PDE1C: variants seen among roughly 807,000 people sequenced by gnomAD.
PDE1C encodes phosphodiesterase 1C.
In PDE1C, 62 loss-of-function variants were observed where a neutral mutation model predicts 93.1. The observed-to-expected ratio is 0.67, with a 90% CI of 0.54 to 0.82. The LOEUF (loss-of-function observed/expected upper bound fraction) is 0.82. Ranked by LOEUF, PDE1C falls within the 40% of genes least tolerant of loss-of-function variation. The pLI is 0.00. For missense variants in PDE1C, 742 were observed against 884.6 expected (o/e 0.84, Z 2.04); for synonymous variants, 325 against 310.1 (o/e 1.05, Z -0.50).
At chr7:32,389,433 T>A (rs1370097777) in intron 1 of PDE1C, among the ~76,000 whole-genome samples, 1 of 152,212 alleles carries the variant, frequency 6.6e-6, no homozygotes, top group Non-Finnish European at 1.5e-5. Flanking sequence ...GCCAGGCTGG[T>A]TTCGAACTCC....
the PDE1C span, among the ~76,000 whole-genome samples, chr7:31,672,553 CT>C: frequency 9.9e-5 from 15 of 151,146 alleles, no homozygotes; most frequent in Admixed American, 5.2e-4. Context: ...TCTCTGATTT[CT>C]TTTTTTTCTT....
rs189585219 is a variant in PDE1C, at chr7:31,880,601, T to C, written c.242+146A>G. The C allele has an allele frequency of 3.6e-4, 212 of 596,830 alleles. No homozygotes were observed. The Admixed American group carries it at 4.3e-3, about 12-fold the overall frequency. The allele number at this position is 596,830 out of a possible 1,614,324, so 37.0% of individuals were successfully genotyped here. On this transcript the variant is annotated intron_variant, in intron 3 of 17. Transcript: ENST00000396191. ...AGAGAGTAAGTGACTTGTCCAAATC[T>C]ATCCTCTTTGTTTGTGGAAACTAAA...
At chr7:31,959,827 A>G (rs1808672056) in intron 2 of PDE1C, among the ~76,000 whole-genome samples, 1 of 152,098 alleles carries the variant, frequency 6.6e-6, no homozygotes, top group Non-Finnish European at 1.5e-5. Context: ...TTAAATTATC[A>G]ATATGTAGAA....
intron 16 of PDE1C, among the ~76,000 whole-genome samples, chr7:31,806,885 T>C (rs1227543107): frequency 6.6e-6 from 1 of 151,902 alleles, no homozygotes; most frequent in Non-Finnish European, 1.5e-5. Context: ...CAAAAATGTA[T>C]CCAGTTTTTT....
chr7:31,713,514 G>A, the PDE1C span, among the ~76,000 whole-genome samples: 1 of 152,212 alleles, frequency 6.6e-6, no homozygotes, highest in Non-Finnish European at 1.5e-5. Flanking sequence ...GGGTCTGGAG[G>A]ACAGTGGCCC....
intron 1 of PDE1C, among the ~76,000 whole-genome samples, chr7:32,306,609 T>A (rs926426463): frequency 3.3e-5 from 5 of 152,224 alleles, no homozygotes; most frequent in African/African-American, 1.2e-4. Flanking sequence ...CAAAGAGATC[T>A]TTTTAAATAA....
At chr7:31,624,803 A>AGT in the PDE1C span, among the ~76,000 whole-genome samples, 1 of 152,314 alleles carries the variant, frequency 6.6e-6, no homozygotes, top group South Asian at 2.1e-4. Flanking sequence ...GCTTCTGCAC[A>AGT]GCAAAAGAAA....
intron 1 of PDE1C, among the ~76,000 whole-genome samples, chr7:32,226,610 A>C (rs963889558): frequency 1.3e-5 from 2 of 152,120 alleles, no homozygotes; most frequent in Admixed American, 1.3e-4. Context: ...TGTAGTGGGG[A>C]TGTCCACAGA....
rs529212334 is a variant in PDE1C at position 32,169,658 on chromosome 7, C to T, written c.308+127G>A. 8.9e-6 allele frequency: 7 copies of T among 790,376 alleles called. No individual in the cohort carries two copies. In the South Asian group the frequency reaches 1.1e-4, roughly 12 times the overall value. 49.0% of individuals were successfully genotyped at this position (790,376 alleles called of 1,614,324 possible). On this transcript the variant is annotated intron_variant, in intron 3 of 18. Coordinates refer to the PDE1C transcript ENST00000396193. ...AGCATTGATTCCAACCCTCCTTCAT[C>T]AATTTTAATTTATTCAGTGCAAAGA...
chr7:31,980,931 C>T (rs1812291504), intron 2 of PDE1C, among the ~76,000 whole-genome samples: 1 of 152,142 alleles, frequency 6.6e-6, no homozygotes, highest in Admixed American at 6.5e-5. Context: ...GTGGGCCCAC[C>T]CAGATGATCC....
At chr7:31,920,314 T>A (rs1348158648) in intron 2 of PDE1C, among the ~76,000 whole-genome samples, 3 of 147,174 alleles carry the variant, frequency 2.0e-5, no homozygotes, top group Non-Finnish European at 4.5e-5. Flanking sequence ...ACATCTTGTC[T>A]CTTTTTCCCC....
chr7:32,145,430 C>T (rs1232819106), intron 3 of PDE1C, among the ~76,000 whole-genome samples: 5 of 152,180 alleles, frequency 3.3e-5, no homozygotes, highest in Non-Finnish European at 4.4e-5. Context: ...CTAGCACACA[C>T]ACACTGAAAA....
chr7:32,409,598 T>G (rs1322030127), intron 1 of PDE1C, among the ~76,000 whole-genome samples: 2 of 152,116 alleles, frequency 1.3e-5, no homozygotes, highest in Non-Finnish European at 2.9e-5. Flanking sequence ...AAGGGAGATA[T>G]GGTTCAATAT....
chr7:32,421,787 G>T (rs1785437256), intron 1 of PDE1C, among the ~76,000 whole-genome samples: 1 of 152,182 alleles, frequency 6.6e-6, no homozygotes, highest in Admixed American at 6.5e-5. Context: ...CTGTCGTGAA[G>T]ATCAAATGTT....
chr7:32,147,754 C>T (rs925096994), intron 3 of PDE1C, among the ~76,000 whole-genome samples: 82 of 151,986 alleles, frequency 5.4e-4, no homozygotes, highest in African/African-American at 1.9e-3. Context: ...TTTTCTCCAT[C>T]GCCCCCTGAG....
At chr7:31,783,117 C>T (rs1275985032) in intron 16 of PDE1C, among the ~76,000 whole-genome samples, 2 of 152,138 alleles carry the variant, frequency 1.3e-5, no homozygotes, top group Non-Finnish European at 2.9e-5. Context: ...CAAATATACC[C>T]CTTTCAAGAG....
At chr7:31,731,509 G>A in the PDE1C span, among the ~76,000 whole-genome samples, 2 of 152,092 alleles carry the variant, frequency 1.3e-5, no homozygotes, top group Non-Finnish European at 2.9e-5. Flanking sequence ...TCCTGCCTCA[G>A]CCTCCTGAGT....
At chr7:32,273,125 C>A (rs181059163) in intron 1 of PDE1C, among the ~76,000 whole-genome samples, 206 of 152,070 alleles carry the variant, frequency 1.4e-3, no homozygotes, top group Non-Finnish European at 2.1e-3. Context: ...TAGGGCATAC[C>A]CGGGAGGTGA....
At chr7:32,413,800 T>C (rs949177768) in intron 1 of PDE1C, among the ~76,000 whole-genome samples, 2 of 152,208 alleles carry the variant, frequency 1.3e-5, no homozygotes, top group Non-Finnish European at 2.9e-5. Flanking sequence ...GAAAAAATCC[T>C]TTATAACCTT....
Sources: gnomAD v4.1 joint callset for allele counts (sites outside exome capture counted in the v4.1 genomes callset) on GRCh38, gnomAD v4.1.1 for gene constraint, MANE v1.5 for transcripts, NCBI Gene and HGNC (gene_info 2026-07-23, HGNC 2026-07-21) for gene names.